The following EPHA6 variants were observed in gnomAD, a reference collection of about 807,000 sequenced individuals.
EPHA6 encodes ephrin type-A receptor 6.
A neutral mutation model predicts 112.0 loss-of-function variants in EPHA6; 50 were observed. That is an observed-to-expected ratio of 0.45 (90% CI 0.36 to 0.56). EPHA6 has a LOEUF of 0.56. Among genes scored for constraint, EPHA6 ranks in the 20% least tolerant of loss-of-function variants. The pLI, the probability that EPHA6 is intolerant of heterozygous loss-of-function variation, is 0.00. For missense variants in EPHA6, 1,280 were observed against 1,417.4 expected (o/e 0.90, Z 1.56); for synonymous variants, 529 against 490.7 (o/e 1.08, Z -1.03).
At chr3:97,003,549 A>T (rs1303562830) in intron 3 of EPHA6, among the ~76,000 whole-genome samples, 2 of 152,314 alleles carry the variant, frequency 1.3e-5, no homozygotes, top group East Asian at 3.9e-4. Flanking sequence ...AGGCAAAGTT[A>T]TAATAAAATG....
chr3:96,915,726 G>A (rs535488645), intron 2 of EPHA6, among the ~76,000 whole-genome samples: 12 of 152,048 alleles, frequency 7.9e-5, no homozygotes, highest in Admixed American at 2.0e-4. Context: ...AGCAATTGCA[G>A]CAGCAGTAGT....
chr3:97,299,397 C>T (rs938755049), intron 5 of EPHA6, among the ~76,000 whole-genome samples: 1 of 152,048 alleles, frequency 6.6e-6, no homozygotes, highest in Admixed American at 6.6e-5. Context: ...ACACCAGATG[C>T]TCCAAGGATT....
chr3:97,238,872 C>T (rs1408826005), intron 4 of EPHA6, among the ~76,000 whole-genome samples: 3 of 151,884 alleles, frequency 2.0e-5, no homozygotes, highest in Non-Finnish European at 4.4e-5. Flanking sequence ...GGTATGAAGA[C>T]ACTTGTAGAC....
chr3:97,558,260 G>C (rs1370715126), intron 11 of EPHA6, among the ~76,000 whole-genome samples: 1 of 151,860 alleles, frequency 6.6e-6, no homozygotes, highest in Non-Finnish European at 1.5e-5. Context: ...GAAATGTCAG[G>C]CTTTCCCATA....
chr3:97,076,234 G>A (rs550895912), intron 3 of EPHA6, among the ~76,000 whole-genome samples: 2 of 152,222 alleles, frequency 1.3e-5, no homozygotes, highest in South Asian at 4.1e-4. Context: ...CAGAAGTAAA[G>A]TTATTAAAGA....
At chr3:97,300,512 C>G (rs2081050968) in intron 5 of EPHA6, among the ~76,000 whole-genome samples, 1 of 152,150 alleles carries the variant, frequency 6.6e-6, no homozygotes. Flanking sequence ...TTTTCACACA[C>G]AAATGTAGTA....
rs1031541384 is a variant in EPHA6 at position 97,038,372 on chromosome 3, T to C, written c.1114+50379T>C. On this transcript the variant is annotated intron_variant, in intron 3 of 17. Transcript: ENST00000389672. Reference sequence around the variant, plus strand: ...CATTCTCTGTCTTCGTGAAGTCCAATTTTTACACTTCAAATTATTAGTGAA... The same window carrying C: ...CATTCTCTGTCTTCGTGAAGTCCAACTTTTACACTTCAAATTATTAGTGAA... Among the ~76,000 whole-genome samples the C allele has an allele frequency of 2.0e-5, 3 of 152,046 alleles. No homozygotes were observed. The East Asian group carries it at 5.8e-4, about 29-fold the overall frequency.
chr3:97,008,034 A>G (rs2043950050), intron 3 of EPHA6, among the ~76,000 whole-genome samples: 1 of 152,120 alleles, frequency 6.6e-6, no homozygotes, highest in African/African-American at 2.4e-5. Context: ...GCTGCCCTTA[A>G]CAGTTTTTTC....
intron 11 of EPHA6, among the ~76,000 whole-genome samples, chr3:97,533,817 C>T (rs2092723522): frequency 6.6e-6 from 1 of 152,050 alleles, no homozygotes; most frequent in Non-Finnish European, 1.5e-5. Context: ...CCAATATCCA[C>T]ATCTGAACTC....
intron 6 of EPHA6, among the ~76,000 whole-genome samples, chr3:97,442,583 G>C (rs956924744): frequency 2.0e-5 from 3 of 152,122 alleles, no homozygotes; most frequent in Non-Finnish European, 4.4e-5. Context: ...AAGAGAGAGA[G>C]AGAGAGACTG....
chr3:96,915,734 A>G (rs939396377), intron 2 of EPHA6, among the ~76,000 whole-genome samples: 1 of 152,072 alleles, frequency 6.6e-6, no homozygotes, highest in Admixed American at 6.6e-5. Flanking sequence ...CAGCAGCAGT[A>G]GTAATAATTA....
chr3:97,351,773 C>T (rs116151606), intron 5 of EPHA6, among the ~76,000 whole-genome samples: 2,393 of 151,940 alleles, frequency 0.016, 57 homozygotes, highest in African/African-American at 0.052. Flanking sequence ...TAAAAGAAAA[C>T]GTTTTCTTTT....
At chr3:97,304,057 G>A (rs1249440569) in intron 5 of EPHA6, among the ~76,000 whole-genome samples, 1 of 151,880 alleles carries the variant, frequency 6.6e-6, no homozygotes, top group African/African-American at 2.4e-5. Context: ...TATTGTTGGT[G>A]TATACAAATG....
chr3:97,226,643 A>G (rs1022813362), intron 4 of EPHA6, among the ~76,000 whole-genome samples: 2 of 152,242 alleles, frequency 1.3e-5, no homozygotes, highest in African/African-American at 2.4e-5. Context: ...TTCATGATGT[A>G]CAAATGCCAG....
chr3:97,055,420 A>G (rs2045820652), intron 3 of EPHA6, among the ~76,000 whole-genome samples: 1 of 152,108 alleles, frequency 6.6e-6, no homozygotes, highest in African/African-American at 2.4e-5. Flanking sequence ...ACCTCTACCA[A>G]TTAAGATTCA....
At chr3:97,121,409 A>G (rs748937045) in intron 3 of EPHA6, among the ~76,000 whole-genome samples, 40 of 152,042 alleles carry the variant, frequency 2.6e-4, no homozygotes, top group Non-Finnish European at 4.6e-4. Flanking sequence ...TGTAGGTGGA[A>G]GTTTTATTTT....
intron 3 of EPHA6, among the ~76,000 whole-genome samples, chr3:97,198,900 G>T (rs538614855): frequency 6.6e-6 from 1 of 152,086 alleles, no homozygotes. Flanking sequence ...CTTCCATGAT[G>T]ATGACTGATT....
At chr3:97,303,448 A>T (rs1200939191) in intron 5 of EPHA6, among the ~76,000 whole-genome samples, 2 of 150,598 alleles carry the variant, frequency 1.3e-5, no homozygotes, top group Admixed American at 6.6e-5. Context: ...ACCGAGCAAG[A>T]GAGAGAGAGA....
intron 3 of EPHA6, among the ~76,000 whole-genome samples, chr3:97,180,736 A>G (rs2076964927): frequency 1.3e-5 from 2 of 152,060 alleles, no homozygotes; most frequent in South Asian, 4.1e-4. Context: ...GATACAAGAT[A>G]AAGTCCTCTT....
Sources: gnomAD v4.1 joint callset for allele counts (sites outside exome capture counted in the v4.1 genomes callset) on GRCh38, gnomAD v4.1.1 for gene constraint, MANE v1.5 for transcripts, NCBI Gene and HGNC (gene_info 2026-07-23, HGNC 2026-07-21) for gene names.